The following ADAMTS17 variants were observed in gnomAD, a reference collection of about 807,000 sequenced individuals.
ADAMTS17 encodes the protein A disintegrin and metalloproteinase with thrombospondin motifs 17.
ADAMTS17 carries 113 observed loss-of-function variants against 141.5 expected under a neutral mutation model. That is an observed-to-expected ratio of 0.80 (90% confidence interval 0.69 to 0.93). The LOEUF is 0.93. Ranked by LOEUF, ADAMTS17 falls within the 40% of genes least tolerant of loss-of-function variation. ADAMTS17 has a pLI of 0.00. For synonymous variants in ADAMTS17, 768 were observed against 630.6 expected, an observed-to-expected ratio of 1.22 and a Z score of -3.27; for missense variants, 1,659 against 1,517.9, an observed-to-expected ratio of 1.09 and a Z score of -1.54.
intron 15 of ADAMTS17, chr15:100,063,544 G>T: frequency 1.5e-6 from 1 of 663,886 alleles, no homozygotes; most frequent in Non-Finnish European, 2.3e-6. Flanking sequence ...GTCCCCTCTG[G>T]GTGCTCATGT....
At chr15:100,090,377 A>G (rs113006028) in intron 15 of ADAMTS17, among the ~76,000 whole-genome samples, 2,017 of 152,312 alleles carry the variant, frequency 0.013, 46 homozygotes, top group African/African-American at 0.044. Context: ...TTTGCAACTA[A>G]CAAACCTTGG....
rs1215411149 is a variant in ADAMTS17, at chr15:100,157,888, C to CTTTTTTT, written c.1182-2575_1182-2569dup. ...CCAGTGAGAACAGTTTAGCTATATTCTTTTTTTTTTTTTTTCCTGAGATGG... is the reference window on the plus strand; with the variant it reads ...CCAGTGAGAACAGTTTAGCTATATTCTTTTTTTTTTTTTTTTTTTTTTCCTGAGATGG... On this transcript the variant is annotated intron_variant, in intron 8 of 21. Coordinates refer to ENST00000268070, the MANE Select transcript of ADAMTS17 (RefSeq NM_139057.4). Among the ~76,000 whole-genome samples the CTTTTTTT allele has an allele frequency of 9.5e-3, 1,338 of 141,368 alleles. 10 individuals carry two copies. Among genetic ancestry groups the CTTTTTTT allele is most frequent in the African/African-American group, 0.021 (795 of 38,494 alleles). The allele number at this position is 141,368 out of a possible 152,430, so 92.7% of individuals were successfully genotyped here. A position where few individuals can be genotyped will look rare whatever the true frequency, so the allele number is the denominator to read the frequency against.
intron 3 of ADAMTS17, among the ~76,000 whole-genome samples, chr15:100,320,294 C>T (rs552017939): frequency 3.9e-5 from 6 of 152,174 alleles, no homozygotes; most frequent in Non-Finnish European, 5.9e-5. Context: ...CACGTCTCCA[C>T]GAGAGGGAGG....
intron 10 of ADAMTS17, among the ~76,000 whole-genome samples, chr15:100,149,678 G>C (rs1210627241): frequency 6.6e-6 from 1 of 152,076 alleles, no homozygotes; most frequent in Non-Finnish European, 1.5e-5. Context: ...TAGCCAAAAG[G>C]GGAATAACAC....
At chr15:100,108,681 A>G (rs1368613369) in intron 14 of ADAMTS17, among the ~76,000 whole-genome samples, 1 of 152,186 alleles carries the variant, frequency 6.6e-6, no homozygotes, top group Non-Finnish European at 1.5e-5. Context: ...GACATCCTTT[A>G]GGCGCATCTT....
intron 18 of ADAMTS17, among the ~76,000 whole-genome samples, chr15:100,026,245 G>A (rs972069928): frequency 1.3e-5 from 2 of 152,176 alleles, no homozygotes; most frequent in Non-Finnish European, 2.9e-5. Context: ...TCATCATTGT[G>A]TCGTATTTCA....
intron 7 of ADAMTS17, among the ~76,000 whole-genome samples, chr15:100,223,271 C>A (rs1285681744): frequency 6.6e-6 from 1 of 152,164 alleles, no homozygotes; most frequent in Non-Finnish European, 1.5e-5. Flanking sequence ...CCTGGAGGTG[C>A]CAGATTTTTC....
chr15:100,231,306 T>A (rs995029873), intron 7 of ADAMTS17, among the ~76,000 whole-genome samples: 4 of 152,210 alleles, frequency 2.6e-5, no homozygotes, highest in African/African-American at 7.2e-5. Context: ...GAGGCTTCAG[T>A]GTTAATTCCT....
In ADAMTS17 at chr15:100,155,233, T is replaced by C; in HGVS notation, c.1269A>G (p.Pro423=). 2 of 1,614,224 alleles carry C rather than the reference T, an allele frequency of 1.2e-6. No individual in the cohort carries two copies. Among genetic ancestry groups the C allele is most frequent in the Non-Finnish European group, 1.7e-6 (2 of 1,180,028 alleles). The change falls in exon 9 of 22, where the codon CCA becomes CCG. Residue 423 remains proline, a synonymous_variant. Transcript: ENST00000268070. ...MSGEWVKGRN[P]SDLSWSSCSR... is the part of the protein sequence containing the mutation. Reference sequence around the variant, plus strand: ...TGCAGGAGGACCAAGAGAGGTCACTTGGGTTCCGGCCTTTCACCCACTCTC... The same window carrying C: ...TGCAGGAGGACCAAGAGAGGTCACTCGGGTTCCGGCCTTTCACCCACTCTC...
intron 15 of ADAMTS17, among the ~76,000 whole-genome samples, chr15:100,075,234 C>A (rs1356790302): frequency 6.6e-6 from 1 of 152,118 alleles, no homozygotes; most frequent in Non-Finnish European, 1.5e-5. Context: ...TTACTTTTTA[C>A]TCTCTAAGGT....
At chr15:100,037,449 A>G (rs2030845343) in intron 18 of ADAMTS17, among the ~76,000 whole-genome samples, 1 of 146,952 alleles carries the variant, frequency 6.8e-6, no homozygotes, top group South Asian at 2.1e-4. Flanking sequence ...CTCACTCTGT[A>G]GCCCAAGCTG....
At chr15:100,202,859 G>A (rs2041387465) in intron 7 of ADAMTS17, among the ~76,000 whole-genome samples, 1 of 152,216 alleles carries the variant, frequency 6.6e-6, no homozygotes, top group Non-Finnish European at 1.5e-5. Flanking sequence ...TGACACTGTG[G>A]AACCTTCTGA....
At chr15:100,189,118 C>G (rs2040827294) in intron 8 of ADAMTS17, among the ~76,000 whole-genome samples, 1 of 152,174 alleles carries the variant, frequency 6.6e-6, no homozygotes, top group Non-Finnish European at 1.5e-5. Flanking sequence ...CAGGGTGATG[C>G]AGACGCTGCT....
intron 8 of ADAMTS17, among the ~76,000 whole-genome samples, chr15:100,191,932 A>T (rs2040932976): frequency 6.6e-6 from 1 of 152,200 alleles, no homozygotes; most frequent in South Asian, 2.1e-4. Context: ...AGAACCCTGC[A>T]AGTCTCACCA....
Position 99,997,703 on chromosome 15 carries a change from G to A in ADAMTS17, c.2592-114C>T. Reference sequence around the variant, plus strand: ...CCCTGTGGTGGGAGAGAGGGAGGCAGACTCAGGAAGCTTTTCAGCCAACCC... The same window carrying A: ...CCCTGTGGTGGGAGAGAGGGAGGCAAACTCAGGAAGCTTTTCAGCCAACCC... On this transcript the variant is annotated intron_variant, in intron 18 of 21. Transcript: ENST00000268070. This position sits in a 1 kb window ranked among gnomAD's most constrained non-coding sequence, Gnocchi z 4.7. 1.5e-6 allele frequency: 2 copies of A among 1,334,364 alleles called. No homozygotes were observed. Among genetic ancestry groups the A allele is most frequent in the Non-Finnish European group, 2.1e-6 (2 of 946,508 alleles). 82.7% of individuals were successfully genotyped at this position (1,334,364 alleles called of 1,614,324 possible). A position where few individuals can be genotyped will look rare whatever the true frequency, so the allele number is the denominator to read the frequency against.
intron 18 of ADAMTS17, among the ~76,000 whole-genome samples, chr15:100,003,110 C>T (rs557498385): frequency 2.6e-5 from 4 of 152,164 alleles, no homozygotes; most frequent in South Asian, 4.1e-4. Flanking sequence ...CTCCACCTGC[C>T]GAGAGCACAG....
chr15:100,116,800 G>A (rs2037159618), intron 13 of ADAMTS17, 47 bp downstream of exon 13: 2 of 1,613,302 alleles, frequency 1.2e-6, no homozygotes, highest in Non-Finnish European at 8.5e-7. Context: ...TATATTCTTA[G>A]GGGAGGACAG....
chr15:100,075,957 G>T (rs2034342480), intron 15 of ADAMTS17, among the ~76,000 whole-genome samples: 1 of 152,150 alleles, frequency 6.6e-6, no homozygotes, highest in Non-Finnish European at 1.5e-5. Flanking sequence ...ATTCTGCTAA[G>T]TCACGTTTCA....
At chr15:100,218,562 C>A (rs934321238) in intron 7 of ADAMTS17, among the ~76,000 whole-genome samples, 3 of 152,126 alleles carry the variant, frequency 2.0e-5, no homozygotes, top group Admixed American at 6.5e-5. Flanking sequence ...TGACTATAAT[C>A]AAAAAGATGG....
Sources: allele counts gnomAD v4.1 joint callset (sites outside exome capture counted in the v4.1 genomes callset), GRCh38; gene constraint gnomAD v4.1.1; non-coding constraint Gnocchi (gnomAD v3.1); transcripts MANE v1.5; gene names NCBI Gene and HGNC (gene_info 2026-07-23, HGNC 2026-07-21).